GPR143: variants seen among roughly 807,000 people sequenced by gnomAD.
The protein encoded by GPR143 is G-protein coupled receptor 143.
GPR143 carries 8 observed loss-of-function variants against 27.6 expected under a neutral mutation model. That is an observed-to-expected ratio of 0.29 (90% CI 0.17 to 0.52). The LOEUF (loss-of-function observed/expected upper bound fraction) is 0.52, where lower values mean the gene tolerates loss of function less well. GPR143 is among the 20% of genes least tolerant of loss of function. The pLI is 0.96. For synonymous variants in GPR143, 156 were observed against 153.2 expected (o/e 1.02, Z -0.13); for missense variants, 303 against 343.1 (o/e 0.88, Z 0.92).
At chrX:9,734,078 C>G (rs1292275180) in intron 8 of GPR143, among the ~76,000 whole-genome samples, 1 of 57,487 alleles carries the variant, frequency 1.7e-5, no homozygotes, top group Non-Finnish European at 2.8e-5. Context: ...GAAACTCTGT[C>G]TCAAAAAAAA....
intron 1 of GPR143, among the ~76,000 whole-genome samples, chrX:9,777,327 A>T (rs1224599219): frequency 8.9e-6 from 1 of 112,035 alleles, no homozygotes; most frequent in African/African-American, 3.2e-5. Flanking sequence ...GGATGGCTTC[A>T]GCCTGGGAGA....
chrX:9,743,331 G>A (rs965038901), intron 6 of GPR143, among the ~76,000 whole-genome samples: 3 of 109,781 alleles, frequency 2.7e-5, no homozygotes, highest in Admixed American at 9.8e-5. Context: ...CGTTTTCTAA[G>A]GGCTTTATAT....
chrX:9,756,103 G>A (rs11796366), intron 3 of GPR143, among the ~76,000 whole-genome samples: 6,089 of 111,808 alleles, frequency 0.054, 141 homozygotes, highest in Middle Eastern at 0.089. Context: ...GATCTACTGG[G>A]ATTACCCAAT....
chrX:9,772,394 G>A (rs778117691), intron 1 of GPR143, among the ~76,000 whole-genome samples: 2 of 111,785 alleles, frequency 1.8e-5, no homozygotes, highest in Non-Finnish European at 3.8e-5. Context: ...CATTTTAAAT[G>A]CTTTCTCCGT....
At chrX:9,749,170 C>A (rs2083440936) in intron 3 of GPR143, among the ~76,000 whole-genome samples, 1 of 111,438 alleles carries the variant, frequency 9.0e-6, no homozygotes, top group Admixed American at 9.5e-5. Flanking sequence ...CCATGCTGTT[C>A]TCGTGATAGT....
intron 1 of GPR143, among the ~76,000 whole-genome samples, chrX:9,772,813 C>CAAAAAAAAAAAAAAAAAAAAAAA (rs57110568): frequency 2.0e-5 from 1 of 49,815 alleles, no homozygotes; most frequent in Non-Finnish European, 3.5e-5. Context: ...GATCCTGTCT[C>CAAAAAAAAAAAAAAAAAAAAAAA]AAAAAAAAAA....
intron 1 of GPR143, among the ~76,000 whole-genome samples, chrX:9,771,360 C>T (rs2083554029): frequency 9.0e-6 from 1 of 111,682 alleles, no homozygotes; most frequent in Non-Finnish European, 1.9e-5. Context: ...CTCACCCAGA[C>T]CAAATTGTAC....
At chrX:9,742,126 G>T (rs1342943441) in intron 6 of GPR143, among the ~76,000 whole-genome samples, 1 of 111,512 alleles carries the variant, frequency 9.0e-6, no homozygotes, top group African/African-American at 3.3e-5. Context: ...ATTTTTTCTT[G>T]CCATTTTATA....
chrX:9,745,779 A>G (rs2083425827), intron 5 of GPR143, among the ~76,000 whole-genome samples: 1 of 112,075 alleles, frequency 8.9e-6, no homozygotes, highest in African/African-American at 3.2e-5. Flanking sequence ...ACCCAGGAGA[A>G]GCCCAGTACA....
intron 8 of GPR143, among the ~76,000 whole-genome samples, chrX:9,727,678 C>T (rs779919110): frequency 8.9e-6 from 1 of 112,991 alleles, no homozygotes; most frequent in South Asian, 3.6e-4. Context: ...CTTGCTCCAG[C>T]CGCAACACAG....
chrX:9,776,359 G>A (rs1479796208), intron 1 of GPR143, among the ~76,000 whole-genome samples: 3 of 111,542 alleles, frequency 2.7e-5, no homozygotes, highest in African/African-American at 6.5e-5. Context: ...TAGAGTAAAC[G>A]TAACGTGTGT....
At chrX:9,756,032 C>T (rs950409231) in intron 3 of GPR143, among the ~76,000 whole-genome samples, 1 of 111,367 alleles carries the variant, frequency 9.0e-6, no homozygotes, top group African/African-American at 3.3e-5. Context: ...AAACTTCAGG[C>T]CAGAGAGACC....
chrX:9,749,236 A>AC (rs1490208351), intron 3 of GPR143, among the ~76,000 whole-genome samples: 28 of 84,946 alleles, frequency 3.3e-4, no homozygotes, highest in African/African-American at 1.4e-3. Flanking sequence ...TCCCCCCCCA[A>AC]CCCCCTCCGG....
rs766449619 is a variant in GPR143 at position 9,726,180 on chromosome X, C to T, written c.1121-340G>A. Among the ~76,000 whole-genome samples the T allele has an allele frequency of 5.4e-5, 6 of 110,456 alleles. No individual in the cohort carries two copies. The East Asian group carries it at 8.6e-4, about 16-fold the overall frequency. ...AGGAAGATTTCAGAGCCCCAGGACA[C>T]GTGCTGTCTGATGCAGGAGCAGAAC... is the stretch of plus-strand genomic sequence containing the variant. On this transcript the variant is annotated intron_variant, in intron 8 of 8. Transcript: ENST00000467482.
At chrX:9,755,070 T>C (rs67441836) in intron 3 of GPR143, among the ~76,000 whole-genome samples, 6,017 of 111,630 alleles carry the variant, frequency 0.054, 129 homozygotes, top group Middle Eastern at 0.078. Flanking sequence ...GGCAGCTGCA[T>C]GCTCGGCTCA....
At chrX:9,738,748 C>A (rs998506401) in intron 8 of GPR143, among the ~76,000 whole-genome samples, 1 of 112,085 alleles carries the variant, frequency 8.9e-6, no homozygotes, top group Non-Finnish European at 1.9e-5. Context: ...CCTCAGCCTC[C>A]CAAGTAGCTG....
chrX:9,778,587 A>G (rs1466110081), intron 1 of GPR143, among the ~76,000 whole-genome samples: 1 of 108,195 alleles, frequency 9.2e-6, no homozygotes, highest in Non-Finnish European at 1.9e-5. Flanking sequence ...CCTTAAATGT[A>G]TCCATCTTGA....
Position 9,765,758 on chromosome X carries a change from G to A in GPR143, c.60C>T (p.Leu20=), listed in dbSNP as rs1202896647. 2 of 1,124,220 alleles carry A rather than the reference G, an allele frequency of 1.8e-6. No homozygotes were observed. Among genetic ancestry groups the A allele is most frequent in the South Asian group, 4.0e-5 (2 of 49,487 alleles). The allele number at this position is 1,124,220 out of a possible 1,213,427, so 92.6% of individuals were successfully genotyped here. A position where few individuals can be genotyped will look rare whatever the true frequency, so the allele number is the denominator to read the frequency against. ...AGGCCCGCGGCTGGAAGCTCAGCAC[G>A]AGCTGCGTGGCTGCGTCCCGCGTGG... is the stretch of plus-strand genomic sequence containing the variant. The part of the protein sequence containing the change: ...CCPTRDAATQ[L]VLSFQPRAFH... Residue 20 remains leucine, a synonymous_variant, in exon 1 of 9, where the codon CTC becomes CTT. Transcript: ENST00000467482.
At chrX:9,736,891 C>T (rs1196609594) in intron 8 of GPR143, among the ~76,000 whole-genome samples, 1 of 112,083 alleles carries the variant, frequency 8.9e-6, no homozygotes, top group Non-Finnish European at 1.9e-5. Flanking sequence ...TTAATTTTCT[C>T]CAATAGACTG....
Sources: gnomAD v4.1 joint callset for allele counts (sites outside exome capture counted in the v4.1 genomes callset) on GRCh38, gnomAD v4.1.1 for gene constraint, MANE v1.5 for transcripts, NCBI Gene and HGNC (gene_info 2026-07-23, HGNC 2026-07-21) for gene names.